Variants in AACS observed in about 807,000 individuals in gnomAD.
The protein encoded by AACS is acetoacetyl-CoA synthetase.
In AACS, 69 loss-of-function variants were observed where a neutral mutation model predicts 83.1. The observed-to-expected ratio is 0.83, with a 90% CI of 0.68 to 1.01. AACS has a LOEUF of 1.01. Among genes scored for constraint, AACS ranks in the 50% least tolerant of loss-of-function variants. AACS has a pLI of 0.00. For synonymous variants in AACS, 333 were observed against 343.4 expected (o/e 0.97, Z 0.33); for missense variants, 866 against 882.2 (o/e 0.98, Z 0.23).
At chr12:125,102,068 TA>T (rs36095424) in intron 5 of AACS, 11 of 142,852 alleles carry the variant, frequency 7.7e-5, no homozygotes, top group African/African-American at 1.6e-4. Context: ...CTTGCCTTTT[TA>T]AAAAAAAAAA....
At chr12:125,068,291 C>T (rs1955759318) in intron 1 of AACS, among the ~76,000 whole-genome samples, 1 of 152,116 alleles carries the variant, frequency 6.6e-6, no homozygotes, top group African/African-American at 2.4e-5. Context: ...ACCCCCATCT[C>T]TACGAAAAAT....
At chr12:125,114,060 T>G (rs1338460363) in intron 8 of AACS, among the ~76,000 whole-genome samples, 1 of 132,558 alleles carries the variant, frequency 7.5e-6, no homozygotes, top group African/African-American at 2.8e-5. Flanking sequence ...CTCACCCCGC[T>G]GTTCCCTGTC....
At chr12:125,068,303 CA>C (rs1476226450) in intron 1 of AACS, among the ~76,000 whole-genome samples, 1 of 152,016 alleles carries the variant, frequency 6.6e-6, no homozygotes, top group Non-Finnish European at 1.5e-5. Flanking sequence ...ACGAAAAATA[CA>C]AAAAATTATC....
intron 14 of AACS, among the ~76,000 whole-genome samples, chr12:125,133,141 C>T (rs1420899359): frequency 1.3e-5 from 2 of 152,214 alleles, no homozygotes; most frequent in Non-Finnish European, 2.9e-5. Context: ...CAGCCAGTTC[C>T]CCTCAGTGTG....
chr12:125,133,869 C>T, intron 14 of AACS, 134 bp from the exon 15 acceptor site: 1 of 835,778 alleles, frequency 1.2e-6, no homozygotes, highest in Non-Finnish European at 1.9e-6. Flanking sequence ...CTGGCTCCCT[C>T]TGGCCCCCAG....
chr12:125,141,174 C>G (rs1056811286), intron 17 of AACS: 1 of 152,346 alleles, frequency 6.6e-6, no homozygotes, highest in Non-Finnish European at 1.5e-5. Context: ...AACTTTCTTG[C>G]CCAGGGTGTC....
intron 3 of AACS, among the ~76,000 whole-genome samples, chr12:125,083,472 G>A (rs566755938): frequency 6.6e-6 from 1 of 152,074 alleles, no homozygotes. Context: ...CTTCCCATTT[G>A]TACAGTCTGT....
Position 125,142,508 on chromosome 12 carries a change from G to A in AACS, c.*279G>A, listed in dbSNP as rs553425818. 1.8e-4 allele frequency: 64 copies of A among 364,626 alleles called. No individual in the cohort carries two copies. In the South Asian group the frequency reaches 2.6e-3, roughly 15 times the overall value. 22.6% of individuals were successfully genotyped at this position (364,626 alleles called of 1,614,324 possible). A position where few individuals can be genotyped will look rare whatever the true frequency, so the allele number is the denominator to read the frequency against. On this transcript the variant is annotated 3_prime_UTR_variant, in exon 18 of 18. Coordinates refer to ENST00000316519, the MANE Select transcript of AACS (RefSeq NM_023928.5). ...TGTGTCTTTGCACACACAGTGCAGCGGGAACGGTGGGGCTGGCTGGTGCTG... is the reference window on the plus strand; with the variant it reads ...TGTGTCTTTGCACACACAGTGCAGCAGGAACGGTGGGGCTGGCTGGTGCTG...
chr12:125,077,525 A>T (rs1837590535), intron 3 of AACS, among the ~76,000 whole-genome samples: 1 of 151,876 alleles, frequency 6.6e-6, no homozygotes, highest in African/African-American at 2.4e-5. Context: ...AAAAAAAAAA[A>T]AATTGTATGT....
chr12:125,107,238 C>T lies in AACS; in HGVS notation c.885C>T (p.Gly295=), dbSNP rs41521044. 328 of 1,613,976 alleles carry T rather than the reference C, an allele frequency of 2.0e-4. 1 individual carries two copies. In the East Asian group the frequency reaches 5.9e-3, roughly 29 times the overall value. Residue 295 remains glycine, a synonymous_variant, in exon 8 of 18, where the codon GGC becomes GGT. Coordinates refer to ENST00000316519, the MANE Select transcript of AACS (RefSeq NM_023928.5). ...TCATGTTCTCATCGGGCACCACGGG[C>T]GCACCCAAGTGCATGGTGCATTCCG... ...LFIMFSSGTT[G]APKCMVHSAG...
chr12:125,094,972 G>T lies in AACS; in HGVS notation c.570+3449G>T, dbSNP rs1384554. 6.6e-3 allele frequency among the ~76,000 whole-genome samples: 956 copies of T among 145,466 alleles called. 9 individuals carry two copies. Among genetic ancestry groups the T allele is most frequent in the African/African-American group, 0.023 (907 of 38,756 alleles). Reference sequence around the variant, plus strand: ...GCCTTGTCCTCCTGAAGTGCCATCAGGTGGCCGTGTGTGTGTGTGTGTGTG... The same window carrying T: ...GCCTTGTCCTCCTGAAGTGCCATCATGTGGCCGTGTGTGTGTGTGTGTGTG... On this transcript the variant is annotated intron_variant, in intron 5 of 17. Transcript: ENST00000316519. This position sits in a 1 kb window ranked among gnomAD's most constrained non-coding sequence, Gnocchi z 4.1.
In AACS at chr12:125,136,738, C is replaced by T. The variant is rs200329266; in HGVS notation, c.1755C>T (p.Leu585=). 8.0e-5 allele frequency: 129 copies of T among 1,614,180 alleles called. 3 individuals are homozygous for T. The East Asian group carries it at 1.5e-3, about 18-fold the overall frequency. Residue 585 remains leucine (L), a synonymous_variant, in exon 17 of 18, where the codon CTC becomes CTT. Transcript: ENST00000316519. ...AGTACAGGGAGGAGAGGGTGATCCT[C>T]TTCCTGAAGATGGCCTCCGGGCACG... ...YNKYREERVI[L]FLKMASGHAF...
At chr12:125,134,877 T>A (rs768759184) in intron 16 of AACS, 25 bp downstream of exon 16, 1 of 1,613,836 alleles carries the variant, frequency 6.2e-7, no homozygotes, top group East Asian at 2.2e-5. Context: ...TCCCTGAGCG[T>A]TCTCCAGTCT....
intron 10 of AACS, among the ~76,000 whole-genome samples, chr12:125,119,347 G>A (rs369298082): frequency 4.5e-4 from 68 of 152,292 alleles, no homozygotes; most frequent in African/African-American, 1.5e-3. Context: ...GAGGAAAACC[G>A]AGGGTCGCCT....
Position 125,065,653 on chromosome 12 carries a change from TAAG to T in AACS, c.75_77del (p.Lys25del), listed in dbSNP as rs760608450. On this transcript the variant is annotated inframe_deletion, in exon 1 of 18. Coordinates refer to ENST00000316519, the MANE Select transcript of AACS (RefSeq NM_023928.5). ...GCCAGGTGATGTGGGAGCCTGACAG[TAAG>T]AAGAACACGCAGATGGACCGCTTCC... 127 of 1,546,598 alleles carry T rather than the reference TAAG, an allele frequency of 8.2e-5. No homozygotes were observed. The highest frequency in any genetic ancestry group is 1.0e-4 in the Non-Finnish European group (117 of 1,145,008).
At chr12:125,108,269 G>A (rs533352536) in intron 8 of AACS, among the ~76,000 whole-genome samples, 11 of 152,328 alleles carry the variant, frequency 7.2e-5, no homozygotes, top group African/African-American at 2.2e-4. Context: ...CCAAGGTGCC[G>A]CACAGTTGCT....
chr12:125,118,850 C>G (rs1309674836), intron 10 of AACS, 85 bp downstream of exon 10: 1 of 1,544,402 alleles, frequency 6.5e-7, no homozygotes, highest in Non-Finnish European at 8.8e-7. Flanking sequence ...CTGTGCCTGC[C>G]TTCTACCGTG....
At position 125,102,976 on chromosome 12, in the gene AACS, GTTTTCT is replaced by G; in HGVS notation, c.686-23_686-18del. 6.3e-7 allele frequency: 1 copy of G among 1,595,930 alleles called. No homozygotes were observed. The highest frequency in any genetic ancestry group is 8.5e-7 in the Non-Finnish European group (1 of 1,172,574). Reference sequence around the variant, plus strand: ...AAGCATCTTTGTCCTGTAACCTTGTGTTTTCTCCTCTCGCTCCTTCCAGGCCTACCA... The same window carrying G: ...AAGCATCTTTGTCCTGTAACCTTGTGCCTCTCGCTCCTTCCAGGCCTACCA... On this transcript the variant is annotated intron_variant, in intron 6 of 17. Transcript: ENST00000316519.
chr12:125,072,994 C>T (rs1011105250), intron 1 of AACS, among the ~76,000 whole-genome samples: 1 of 141,028 alleles, frequency 7.1e-6, no homozygotes, highest in Non-Finnish European at 1.5e-5. Context: ...GTGGCGCGAT[C>T]TCGGCTCACT....
Sources: gnomAD v4.1 joint callset for allele counts (sites outside exome capture counted in the v4.1 genomes callset) on GRCh38, gnomAD v4.1.1 for gene constraint, Gnocchi (gnomAD v3.1) non-coding constraint, MANE v1.5 for transcripts, NCBI Gene and HGNC (gene_info 2026-07-23, HGNC 2026-07-21) for gene names.